Variants in NPAS3 observed in about 807,000 individuals in gnomAD.
NPAS3 encodes the protein neuronal PAS domain-containing protein 3.
NPAS3 carries 14 observed loss-of-function variants against 73.1 expected under a neutral mutation model. The ratio of observed to expected loss-of-function variants is 0.19; its 90% CI spans 0.13 to 0.30. NPAS3 has a LOEUF of 0.30. NPAS3 is among the 10% of genes least tolerant of loss of function. The pLI, the probability that NPAS3 is intolerant of heterozygous loss-of-function variation, is 1.00. For missense variants in NPAS3, 1,096 were observed against 1,250.0 expected, an observed-to-expected ratio of 0.88 and a Z score of 1.86; for synonymous variants, 620 against 541.5, an observed-to-expected ratio of 1.14 and a Z score of -2.01.
intron 3 of NPAS3, among the ~76,000 whole-genome samples, chr14:33,243,090 G>A (rs1269484770): frequency 2.0e-5 from 3 of 152,116 alleles, no homozygotes; most frequent in Non-Finnish European, 4.4e-5. Context: ...GCAAGTTACA[G>A]AGAAAGGTTA....
chr14:33,404,925 G>A (rs571128055), intron 4 of NPAS3, among the ~76,000 whole-genome samples: 15 of 152,176 alleles, frequency 9.9e-5, no homozygotes, highest in African/African-American at 3.6e-4. Context: ...GGTCATTGTT[G>A]TCTGTTTGTC....
chr14:33,696,376 C>T (rs541167465), intron 6 of NPAS3, among the ~76,000 whole-genome samples: 281 of 152,296 alleles, frequency 1.8e-3, no homozygotes, highest in Non-Finnish European at 2.4e-3. Flanking sequence ...CTTTGAGCCA[C>T]TTTCGTCACC....
intron 1 of NPAS3, among the ~76,000 whole-genome samples, chr14:33,041,542 A>T (rs1432078436): frequency 6.6e-6 from 1 of 152,198 alleles, no homozygotes; most frequent in Admixed American, 6.5e-5. Flanking sequence ...AGTGTAAATT[A>T]AAAATGGTGA....
chr14:33,067,090 A>T (rs1003960202), intron 2 of NPAS3, among the ~76,000 whole-genome samples: 1 of 152,218 alleles, frequency 6.6e-6, no homozygotes, highest in Non-Finnish European at 1.5e-5. Context: ...AATGAGGTGC[A>T]ATCTGGTAAC....
intron 4 of NPAS3, among the ~76,000 whole-genome samples, chr14:33,394,703 AT>A (rs752667930): frequency 6.6e-6 from 1 of 152,242 alleles, no homozygotes; most frequent in Non-Finnish European, 1.5e-5. Flanking sequence ...ACCAAAAGAA[AT>A]ATAACAATTA....
chr14:33,427,576 G>A (rs1212628456), intron 4 of NPAS3, among the ~76,000 whole-genome samples: 2 of 151,786 alleles, frequency 1.3e-5, no homozygotes, highest in Admixed American at 6.6e-5. Flanking sequence ...AGACATTCAC[G>A]ATGGGAGTAG....
At chr14:33,673,887 A>C (rs1003752194) in intron 5 of NPAS3, among the ~76,000 whole-genome samples, 1 of 152,250 alleles carries the variant, frequency 6.6e-6, no homozygotes, top group Non-Finnish European at 1.5e-5. Context: ...TATGAGTCCA[A>C]GTAGTGGGGC....
intron 4 of NPAS3, among the ~76,000 whole-genome samples, chr14:33,519,638 A>G (rs1362306067): frequency 6.6e-6 from 1 of 152,164 alleles, no homozygotes; most frequent in African/African-American, 2.4e-5. Context: ...CATGGCTTGT[A>G]AAGTTATTGG....
At chr14:33,088,941 C>G (rs1052431013) in intron 2 of NPAS3, among the ~76,000 whole-genome samples, 2 of 152,170 alleles carry the variant, frequency 1.3e-5, no homozygotes, top group Non-Finnish European at 2.9e-5. Context: ...CCAGCAAACT[C>G]CAACAGACTT....
At chr14:33,703,512 CATTCATTT>C (rs1227409251) in intron 6 of NPAS3, among the ~76,000 whole-genome samples, 2 of 152,006 alleles carry the variant, frequency 1.3e-5, no homozygotes, top group Non-Finnish European at 2.9e-5. Flanking sequence ...ATCATTGACT[CATTCATTT>C]ATTCATTTAT....
chr14:33,048,875 G>T (rs1254020010), intron 1 of NPAS3, among the ~76,000 whole-genome samples: 2 of 152,172 alleles, frequency 1.3e-5, no homozygotes, highest in Admixed American at 6.5e-5. Flanking sequence ...TGCTAAGAGG[G>T]TGCACAGCAT....
At chr14:33,081,168 G>T (rs1234653526) in intron 2 of NPAS3, among the ~76,000 whole-genome samples, 1 of 152,134 alleles carries the variant, frequency 6.6e-6, no homozygotes, top group Admixed American at 6.5e-5. Flanking sequence ...GGCGTGTTCA[G>T]GGTGGTATGG....
Position 33,121,267 on chromosome 14 carries a change from T to A in NPAS3, c.140+65273T>A, listed in dbSNP as rs2043220664. Among the ~76,000 whole-genome samples the A allele has an allele frequency of 1.3e-5, 2 of 152,172 alleles. 1 individual carries two copies. Among genetic ancestry groups the A allele is most frequent in the South Asian group, 4.1e-4 (2 of 4,836 alleles). Reference sequence around the variant, plus strand: ...ATCCTTTTATTTTTCACCTGATGACTTTTATTCATACTTGACGAACCAGTT... The same window carrying A: ...ATCCTTTTATTTTTCACCTGATGACATTTATTCATACTTGACGAACCAGTT... On this transcript the variant is annotated intron_variant, in intron 2 of 11. Coordinates refer to ENST00000356141, the Ensembl canonical transcript of NPAS3.
At chr14:33,046,963 G>T (rs2040530455) in intron 1 of NPAS3, among the ~76,000 whole-genome samples, 1 of 152,096 alleles carries the variant, frequency 6.6e-6, no homozygotes, top group South Asian at 2.1e-4. Flanking sequence ...GACAGAGTGA[G>T]ACTCCATCTT....
chr14:33,446,166 CTTTT>C (rs71118544), intron 4 of NPAS3, among the ~76,000 whole-genome samples: 3 of 120,002 alleles, frequency 2.5e-5, no homozygotes, highest in East Asian at 5.7e-4. Flanking sequence ...TTCATGCTTT[CTTTT>C]TTTTTTTTTT....
intron 5 of NPAS3, among the ~76,000 whole-genome samples, chr14:33,626,678 T>G (rs2140116906): frequency 6.6e-6 from 1 of 152,330 alleles, no homozygotes; most frequent in East Asian, 1.9e-4. Flanking sequence ...GGCACCATTT[T>G]TAGGTGCTGG....
At chr14:33,368,001 T>C (rs912078712) in intron 4 of NPAS3, among the ~76,000 whole-genome samples, 3 of 152,164 alleles carry the variant, frequency 2.0e-5, no homozygotes, top group African/African-American at 7.2e-5. Context: ...ACACTGGTCC[T>C]GCTCCCAGGA....
chr14:33,604,122 T>C (rs1317865530), intron 5 of NPAS3, among the ~76,000 whole-genome samples: 2 of 151,940 alleles, frequency 1.3e-5, no homozygotes, highest in East Asian at 1.9e-4. Context: ...AAGTAACCAA[T>C]AGAAAACACA....
intron 7 of NPAS3, among the ~76,000 whole-genome samples, chr14:33,767,672 T>C (rs892320815): frequency 6.6e-6 from 1 of 150,398 alleles, no homozygotes; most frequent in Non-Finnish European, 1.5e-5. Flanking sequence ...ATACTTTACA[T>C]TATATGTGGG....
Sources: allele counts gnomAD v4.1 joint callset (sites outside exome capture counted in the v4.1 genomes callset), GRCh38; gene constraint gnomAD v4.1.1; transcripts MANE v1.5; gene names NCBI Gene and HGNC (gene_info 2026-07-23, HGNC 2026-07-21).